The following MDGA2 variants were observed in gnomAD, a reference collection of about 807,000 sequenced individuals.
MDGA2 encodes MAM domain containing glycosylphosphatidylinositol anchor 2, also known as MAM domain-containing glycosylphosphatidylinositol anchor protein 2.
A neutral mutation model predicts 117.8 loss-of-function variants in MDGA2; 40 were observed. That is an observed-to-expected ratio of 0.34 (90% CI 0.26 to 0.44). The LOEUF is 0.44. Ranked by LOEUF, MDGA2 falls within the 20% of genes least tolerant of loss-of-function variation. The pLI is 1.00. For missense variants in MDGA2, 1,123 were observed against 1,250.6 expected (o/e 0.90, Z 1.54); for synonymous variants, 452 against 439.0 (o/e 1.03, Z -0.37).
intron 1 of MDGA2, among the ~76,000 whole-genome samples, chr14:47,629,210 G>C (rs1162018142): frequency 6.6e-6 from 1 of 152,218 alleles, no homozygotes; most frequent in Non-Finnish European, 1.5e-5. Flanking sequence ...TATCTGTGTT[G>C]TGGGGATGTA....
At chr14:47,095,593 ATT>A (rs1190671988) in intron 6 of MDGA2, among the ~76,000 whole-genome samples, 1 of 151,890 alleles carries the variant, frequency 6.6e-6, no homozygotes. Flanking sequence ...AGTATGTTTT[ATT>A]TTGTTTTGAT....
chr14:47,473,489 G>C (rs1273973092), intron 1 of MDGA2, among the ~76,000 whole-genome samples: 1 of 151,942 alleles, frequency 6.6e-6, no homozygotes, highest in Non-Finnish European at 1.5e-5. Context: ...AAAAACAAAG[G>C]CAGAAGTAAA....
intron 1 of MDGA2, among the ~76,000 whole-genome samples, chr14:47,605,354 A>G (rs1369039073): frequency 6.6e-6 from 1 of 152,236 alleles, no homozygotes; most frequent in Non-Finnish European, 1.5e-5. Flanking sequence ...ATGGATGCAC[A>G]TGCACACACT....
chr14:47,217,802 TAA>T (rs1251050564), intron 3 of MDGA2, among the ~76,000 whole-genome samples: 1 of 152,124 alleles, frequency 6.6e-6, no homozygotes, highest in Non-Finnish European at 1.5e-5. Flanking sequence ...ATATTGTTCC[TAA>T]GTGTTCCATA....
At chr14:47,215,598 A>T (rs907574804) in intron 3 of MDGA2, among the ~76,000 whole-genome samples, 3 of 152,130 alleles carry the variant, frequency 2.0e-5, no homozygotes, top group Non-Finnish European at 4.4e-5. Context: ...ATCTGAAGGA[A>T]TTAATTTATT....
intron 5 of MDGA2, among the ~76,000 whole-genome samples, chr14:47,103,310 T>C (rs879395098): frequency 6.6e-6 from 1 of 152,212 alleles, no homozygotes; most frequent in Non-Finnish European, 1.5e-5. Flanking sequence ...ATATATTTCA[T>C]TGAAATTCAT....
At chr14:46,878,089 T>G (rs1052776874) in intron 11 of MDGA2, among the ~76,000 whole-genome samples, 2 of 151,992 alleles carry the variant, frequency 1.3e-5, no homozygotes, top group South Asian at 2.1e-4. Flanking sequence ...CACGTGTGCA[T>G]GCACACAGAA....
At chr14:46,935,531 T>G (rs948774285) in intron 9 of MDGA2, among the ~76,000 whole-genome samples, 4 of 152,108 alleles carry the variant, frequency 2.6e-5, no homozygotes, top group Non-Finnish European at 4.4e-5. Flanking sequence ...CCCAAAACTG[T>G]GATTATTTAT....
chr14:46,977,678 T>C (rs867352444), intron 8 of MDGA2, among the ~76,000 whole-genome samples: 16 of 151,948 alleles, frequency 1.1e-4, no homozygotes, highest in African/African-American at 3.9e-4. Flanking sequence ...GTTTGACAAA[T>C]GCAATATAAA....
intron 1 of MDGA2, among the ~76,000 whole-genome samples, chr14:47,434,995 G>A (rs1340126797): frequency 6.6e-6 from 1 of 152,034 alleles, no homozygotes; most frequent in Non-Finnish European, 1.5e-5. Context: ...AGTTAGCCAG[G>A]TGTGGTAGTG....
intron 3 of MDGA2, among the ~76,000 whole-genome samples, chr14:47,205,277 A>G (rs1291011717): frequency 1.3e-5 from 2 of 151,898 alleles, no homozygotes; most frequent in Non-Finnish European, 2.9e-5. Flanking sequence ...GATGGTCTTT[A>G]GCGACTATTT....
intron 1 of MDGA2, among the ~76,000 whole-genome samples, chr14:47,461,281 G>GTGTGTGTGTGTC (rs1555324418): frequency 6.6e-6 from 1 of 151,780 alleles, no homozygotes; most frequent in Non-Finnish European, 1.5e-5. Context: ...GTGTGTGTGT[G>GTGTGTGTGTGTC]TGTGTGTGTG....
At chr14:47,281,066 T>A (rs1304591023) in intron 2 of MDGA2, among the ~76,000 whole-genome samples, 4 of 148,146 alleles carry the variant, frequency 2.7e-5, no homozygotes, top group Non-Finnish European at 6.0e-5. Context: ...CTGTGTTCAA[T>A]TAATATAATA....
intron 9 of MDGA2, among the ~76,000 whole-genome samples, chr14:46,946,818 T>G (rs147902761): frequency 6.6e-6 from 1 of 152,174 alleles, no homozygotes; most frequent in African/African-American, 2.4e-5. Context: ...CAGGGAAAAC[T>G]GACAGTACAG....
At chr14:47,652,365 T>C (rs749502292) in intron 1 of MDGA2, among the ~76,000 whole-genome samples, 2 of 152,186 alleles carry the variant, frequency 1.3e-5, no homozygotes, top group Non-Finnish European at 2.9e-5. Flanking sequence ...ACATTATAAA[T>C]TATTCACAGA....
At chr14:47,166,161 GA>G (rs1320169085) in intron 3 of MDGA2, among the ~76,000 whole-genome samples, 1 of 150,576 alleles carries the variant, frequency 6.6e-6, no homozygotes, top group Non-Finnish European at 1.5e-5. Flanking sequence ...TCAGCCTCCC[GA>G]GTAGCTGGGA....
chr14:47,550,980 A>G (rs1458576839), intron 1 of MDGA2, among the ~76,000 whole-genome samples: 1 of 152,178 alleles, frequency 6.6e-6, no homozygotes, highest in Admixed American at 6.5e-5. Context: ...AACATGTAGG[A>G]GGCAAACCAA....
At chr14:47,172,421 C>A (rs1469806585) in intron 3 of MDGA2, among the ~76,000 whole-genome samples, 1 of 151,884 alleles carries the variant, frequency 6.6e-6, no homozygotes, top group African/African-American at 2.4e-5. Flanking sequence ...ACTGACACCT[C>A]ACACGGCCGG....
intron 2 of MDGA2, among the ~76,000 whole-genome samples, chr14:47,250,479 G>A (rs970972094): frequency 3.3e-5 from 5 of 152,156 alleles, no homozygotes; most frequent in South Asian, 2.1e-4. Context: ...CAATGTGATC[G>A]TATTAGAAGG....
Sources: gnomAD v4.1 joint callset for allele counts (sites outside exome capture counted in the v4.1 genomes callset) on GRCh38, gnomAD v4.1.1 for gene constraint, MANE v1.5 for transcripts, NCBI Gene and HGNC (gene_info 2026-07-23, HGNC 2026-07-21) for gene names.